Variants in NBEA observed in about 807,000 individuals in gnomAD.
NBEA encodes the protein lysosomal-trafficking regulator 2.
Under a neutral mutation model 343.4 loss-of-function variants are expected in NBEA, and 44 were observed. The observed-to-expected ratio is 0.13, with a 90% CI of 0.10 to 0.16. The LOEUF (loss-of-function observed/expected upper bound fraction) is 0.16, where lower values mean the gene tolerates loss of function less well. Ranked by LOEUF, NBEA falls within the 10% of genes least tolerant of loss-of-function variation. NBEA has a pLI of 1.00. For missense variants in NBEA, 2,555 were observed against 3,631.3 expected (o/e 0.70, Z 7.62); for synonymous variants, 1,175 against 1,238.7 (o/e 0.95, Z 1.08).
intron 40 of NBEA, among the ~76,000 whole-genome samples, chr13:35,454,173 A>T (rs2046443714): frequency 6.6e-6 from 1 of 152,220 alleles, no homozygotes; most frequent in Non-Finnish European, 1.5e-5. Context: ...CCTTGAATAC[A>T]GTGGAAAAGA....
intron 41 of NBEA, among the ~76,000 whole-genome samples, chr13:35,546,475 A>G (rs2079063774): frequency 6.6e-6 from 1 of 152,090 alleles, no homozygotes; most frequent in African/African-American, 2.4e-5. Flanking sequence ...AAAAAAAAAA[A>G]AGAGATAGAG....
intron 26 of NBEA, 56 bp from the exon 27 acceptor site, chr13:35,173,408 C>A: frequency 7.0e-7 from 1 of 1,421,226 alleles, no homozygotes; most frequent in Non-Finnish European, 9.4e-7. Context: ...CAACTTTTTC[C>A]AGGATATCAA....
intron 30 of NBEA, among the ~76,000 whole-genome samples, chr13:35,193,158 T>C (rs1036232097): frequency 2.0e-5 from 3 of 151,974 alleles, no homozygotes; most frequent in African/African-American, 7.2e-5. Flanking sequence ...CCTGATACTT[T>C]GCTGCAATTG....
At chr13:35,217,796 A>G (rs1015539605) in intron 33 of NBEA, among the ~76,000 whole-genome samples, 3 of 152,060 alleles carry the variant, frequency 2.0e-5, no homozygotes, top group African/African-American at 7.2e-5. Context: ...AATACAGACT[A>G]TTCCCAGCAC....
At chr13:35,474,311 T>A (rs1044049619) in intron 41 of NBEA, 24 of 152,660 alleles carry the variant, frequency 1.6e-4, no homozygotes, top group African/African-American at 4.6e-4. Flanking sequence ...ATTTTTCAAA[T>A]ATATAATTCA....
chr13:35,438,356 A>G (rs1483266357), intron 39 of NBEA, among the ~76,000 whole-genome samples: 3 of 152,200 alleles, frequency 2.0e-5, no homozygotes, highest in Non-Finnish European at 4.4e-5. Flanking sequence ...GGCTACTGTA[A>G]TGTGCTATTT....
At chr13:35,110,114 GT>G (rs1383946813) in intron 12 of NBEA, among the ~76,000 whole-genome samples, 1 of 135,486 alleles carries the variant, frequency 7.4e-6, no homozygotes, top group Non-Finnish European at 1.5e-5. Context: ...GTGCAGGTTA[GT>G]TACATATGTA....
rs578167924 is a variant in NBEA, at chr13:35,450,310, C to CAA, written c.6305-1770_6305-1769dup. 9.5e-5 allele frequency among the ~76,000 whole-genome samples: 12 copies of CAA among 126,830 alleles called. No individual in the cohort carries two copies. The East Asian group carries it at 1.3e-3, about 14-fold the overall frequency. The allele number at this position is 126,830 out of a possible 152,430, so 83.2% of individuals were successfully genotyped here. A position where few individuals can be genotyped will look rare whatever the true frequency, so the allele number is the denominator to read the frequency against. On this transcript the variant is annotated intron_variant, in intron 39 of 58. Coordinates refer to ENST00000379939, the MANE Select transcript of NBEA (RefSeq NM_001385012.1). ...AGAATATAGTAAGAGCCCATCCCTA[C>CAA]AAAAAAAAAAAAATAACAATAAAAA...
At chr13:35,629,770 C>A (rs2083376034) in intron 49 of NBEA, among the ~76,000 whole-genome samples, 1 of 152,188 alleles carries the variant, frequency 6.6e-6, no homozygotes, top group Non-Finnish European at 1.5e-5. Flanking sequence ...TTAGTCTCAA[C>A]TGTACACCCT....
intron 1 of NBEA, among the ~76,000 whole-genome samples, chr13:35,038,977 G>A (rs1370295204): frequency 6.6e-6 from 1 of 152,132 alleles, no homozygotes; most frequent in Non-Finnish European, 1.5e-5. Flanking sequence ...TGCCTTTCAA[G>A]TTTACTTAAA....
At chr13:35,012,187 G>A (rs2061511339) in intron 1 of NBEA, among the ~76,000 whole-genome samples, 2 of 152,156 alleles carry the variant, frequency 1.3e-5, no homozygotes, top group African/African-American at 4.8e-5. Context: ...TTGGAAGCTG[G>A]GAAGTCCAAT....
intron 40 of NBEA, among the ~76,000 whole-genome samples, chr13:35,462,610 T>C (rs917117597): frequency 2.0e-5 from 3 of 152,132 alleles, no homozygotes; most frequent in African/African-American, 4.8e-5. Flanking sequence ...ATTTTAAGTA[T>C]GACAGTGATG....
intron 58 of NBEA, among the ~76,000 whole-genome samples, chr13:35,668,949 C>T (rs1380472266): frequency 1.3e-5 from 2 of 152,244 alleles, no homozygotes; most frequent in East Asian, 3.9e-4. Flanking sequence ...TGGGCCGTAG[C>T]TGGCCCCCCT....
intron 25 of NBEA, among the ~76,000 whole-genome samples, chr13:35,170,788 A>G (rs73502444): frequency 0.11 from 16,027 of 151,896 alleles, 1,015 homozygotes; most frequent in African/African-American, 0.16. Flanking sequence ...TTTGACAGCC[A>G]TCTCATTTTG....
intron 38 of NBEA, among the ~76,000 whole-genome samples, chr13:35,428,900 C>G (rs551195228): frequency 6.6e-6 from 1 of 152,282 alleles, no homozygotes; most frequent in African/African-American, 2.4e-5. Context: ...CTTATATCTG[C>G]TAGATGGTGG....
chr13:35,200,516 G>GT (rs1280710905), intron 31 of NBEA, among the ~76,000 whole-genome samples: 2 of 149,814 alleles, frequency 1.3e-5, no homozygotes, highest in African/African-American at 4.9e-5. Flanking sequence ...CTGTTAGTAT[G>GT]TTTTTAAAAA....
At chr13:35,063,467 T>C (rs955888281) in intron 8 of NBEA, among the ~76,000 whole-genome samples, 1 of 152,022 alleles carries the variant, frequency 6.6e-6, no homozygotes, top group African/African-American at 2.4e-5. Context: ...ATAAAGGCCA[T>C]TAGCAGAAGC....
chr13:35,159,617 A>T lies in NBEA; in HGVS notation c.3446A>T (p.Asp1149Val). 6.2e-7 allele frequency: 1 copy of T among 1,611,330 alleles called. No individual in the cohort carries two copies. The highest frequency in any genetic ancestry group is 8.5e-7 in the Non-Finnish European group (1 of 1,178,734). Residue 1149 changes from aspartate (D) to valine (V), a missense_variant, in exon 22 of 59, where the codon GAT becomes GTT. By Grantham distance (152) the Asp-to-Val change is radical. Transcript: ENST00000379939. ...AATAGTAGTACATCATTTCTCTTTG[A>T]TAAAATACCCAAACAGGAGGAAAAA... Reference protein sequence around the residue: ...LPNSSTSFLFDKIPKQEEKLL... With the variant: ...LPNSSTSFLFVKIPKQEEKLL...
chr13:35,107,001 C>T (rs2152653339), intron 11 of NBEA, among the ~76,000 whole-genome samples: 1 of 151,810 alleles, frequency 6.6e-6, no homozygotes, highest in Non-Finnish European at 1.5e-5. Context: ...CAGGATCTGA[C>T]TGTATTCTAT....
Sources: gnomAD v4.1 joint callset for allele counts (sites outside exome capture counted in the v4.1 genomes callset) on GRCh38, gnomAD v4.1.1 for gene constraint, MANE v1.5 for transcripts, NCBI Gene and HGNC (gene_info 2026-07-23, HGNC 2026-07-21) for gene names.